Variants in AMBRA1 observed in about 807,000 individuals in gnomAD.
The protein encoded by AMBRA1 is activating molecule in BECN1-regulated autophagy protein 1.
Under a neutral mutation model 125.4 loss-of-function variants are expected in AMBRA1, and 47 were observed. The observed-to-expected ratio is 0.37, with a 90% CI of 0.30 to 0.48. The LOEUF (loss-of-function observed/expected upper bound fraction) is 0.48. Among genes scored for constraint, AMBRA1 ranks in the 20% least tolerant of loss-of-function variants. The pLI is 0.99. For synonymous variants in AMBRA1, 626 were observed against 655.5 expected (o/e 0.95, Z 0.69); for missense variants, 1,331 against 1,693.4 (o/e 0.79, Z 3.76).
intron 1 of AMBRA1, among the ~76,000 whole-genome samples, chr11:46,574,619 G>C (rs2043888405): frequency 6.6e-6 from 1 of 152,086 alleles, no homozygotes; most frequent in Non-Finnish European, 1.5e-5. Context: ...TTTTCTAAAG[G>C]AAATCTTATG....
In AMBRA1 at chr11:46,542,582, T is replaced by C. The variant is rs143509949; in HGVS notation, c.1435A>G (p.Thr479Ala). Residue 479 changes from threonine to alanine, a missense_variant, in exon 7 of 18, where the codon ACT (threonine) becomes GCT (alanine). This residue lies in a region of AMBRA1 where 689 missense variants were observed against 776.5 expected (regional missense o/e 0.89). Transcript: ENST00000683756. This position sits in a 1 kb window ranked among gnomAD's most constrained non-coding sequence, Gnocchi z 5.9. ...GAGCCATTCCCTCCATCTGACTCAG[T>C]TGCCAACCCTGATGCCGGAAAACCC... is the stretch of plus-strand genomic sequence containing the variant. ...GRGFPASGLA[T>A]ESDGGNGSSQ... 373 of 1,613,734 alleles carry C rather than the reference T, an allele frequency of 2.3e-4. No homozygotes were observed. The highest frequency in any genetic ancestry group is 4.9e-4 in the Middle Eastern group (3 of 6,062).
intron 1 of AMBRA1, among the ~76,000 whole-genome samples, chr11:46,556,333 A>C (rs1392494974): frequency 6.6e-6 from 1 of 152,218 alleles, no homozygotes; most frequent in African/African-American, 2.4e-5. Context: ...CTCTTACACT[A>C]GACTGAATTT....
rs775303283 is a variant in AMBRA1, at chr11:46,542,254, G to A, written c.1763C>T (p.Thr588Ile). 4 of 1,613,958 alleles carry A rather than the reference G, an allele frequency of 2.5e-6. No homozygotes were observed. In the South Asian group the frequency reaches 3.3e-5, roughly 13 times the overall value. ...AGCCTCGCCAGAGGAGTAGTTAGGT[G>A]TGGTTCTTTCCCAGCGCAGGGTATC... is the stretch of plus-strand genomic sequence containing the variant. ...NNDTLRWERT[T>I]PNYSSGEASS... Residue 588 changes from threonine (T) to isoleucine (I), a missense_variant, in exon 7 of 18, where the codon ACA becomes ATA. Coordinates refer to ENST00000683756, the MANE Select transcript of AMBRA1 (RefSeq NM_001387011.1). This position sits in a 1 kb window ranked among gnomAD's most constrained non-coding sequence, Gnocchi z 5.9.
chr11:46,397,740 T>A lies in AMBRA1; in HGVS notation c.3607A>T (p.Thr1203Ser), dbSNP rs1415779073. ...QTGTEPGAAH[T>S]SSPQPSTSRG... Reference sequence around the variant, plus strand: ...GAGGTGGAGGGCTGGGGTGAGGAGGTGTGGGCGGCACCAGGTTCAGTGCCC... The same window carrying A: ...GAGGTGGAGGGCTGGGGTGAGGAGGAGTGGGCGGCACCAGGTTCAGTGCCC... Residue 1203 changes from threonine (T) to serine (S), a missense_variant, in exon 18 of 18, where the codon ACC becomes TCC. Coordinates refer to ENST00000683756, the MANE Select transcript of AMBRA1 (RefSeq NM_001387011.1). 41 of 1,611,848 alleles carry A rather than the reference T, an allele frequency of 2.5e-5. No homozygotes were observed. Among genetic ancestry groups the A allele is most frequent in the Non-Finnish European group, 3.4e-5 (40 of 1,179,752 alleles).
At chr11:46,556,656 T>TATG (rs1369651681) in intron 1 of AMBRA1, among the ~76,000 whole-genome samples, 2 of 152,144 alleles carry the variant, frequency 1.3e-5, no homozygotes, top group Non-Finnish European at 2.9e-5. Context: ...TTTCCTGGTA[T>TATG]ATGATGGTAT....
intron 7 of AMBRA1, among the ~76,000 whole-genome samples, chr11:46,534,827 C>T (rs868445481): frequency 2.0e-5 from 3 of 152,130 alleles, no homozygotes; most frequent in Non-Finnish European, 2.9e-5. Flanking sequence ...GCACATGCCA[C>T]GATGCCCAGC....
chr11:46,443,534 G>C lies in AMBRA1; in HGVS notation c.2586C>G (p.Leu862=). 1 of 1,614,152 alleles carries C rather than the reference G, an allele frequency of 6.2e-7. No individual in the cohort carries two copies. The highest frequency in any genetic ancestry group is 8.5e-7 in the Non-Finnish European group (1 of 1,180,018). ...CAAACTTAGTGAAGTCCCACCACTGGAGCCGGTAGGTAGTATTGGCAATGT... is the reference window on the plus strand; with the variant it reads ...CAAACTTAGTGAAGTCCCACCACTGCAGCCGGTAGGTAGTATTGGCAATGT... The part of the protein sequence containing the change: ...ASNIANTTYR[L]QWWDFTKFDL... Residue 862 remains leucine, a synonymous_variant, in exon 12 of 18, where the codon CTC becomes CTG. Coordinates refer to ENST00000683756, the MANE Select transcript of AMBRA1 (RefSeq NM_001387011.1).
At chr11:46,482,736 CG>C (rs971889076) in intron 11 of AMBRA1, among the ~76,000 whole-genome samples, 3 of 152,152 alleles carry the variant, frequency 2.0e-5, no homozygotes, top group African/African-American at 7.2e-5. Flanking sequence ...ACCAGCCAGG[CG>C]TAGTGGCTCA....
chr11:46,540,127 C>A (rs564382518), intron 7 of AMBRA1, among the ~76,000 whole-genome samples: 1 of 152,144 alleles, frequency 6.6e-6, no homozygotes, highest in Non-Finnish European at 1.5e-5. Context: ...CCACCGTGCC[C>A]GGCAGTAACT....
At chr11:46,590,188 C>T (rs1265987202) in intron 1 of AMBRA1, among the ~76,000 whole-genome samples, 2 of 151,688 alleles carry the variant, frequency 1.3e-5, no homozygotes, top group East Asian at 2.0e-4. Flanking sequence ...CTGGCCAACA[C>T]GGTGAAACCC....
intron 9 of AMBRA1, among the ~76,000 whole-genome samples, chr11:46,496,858 T>G (rs1447511433): frequency 6.7e-6 from 1 of 149,870 alleles, no homozygotes. Context: ...ATGCCTGTAA[T>G]CCCGGCACTT....
chr11:46,470,488 C>T (rs191131467), intron 11 of AMBRA1, among the ~76,000 whole-genome samples: 2,820 of 149,648 alleles, frequency 0.019, 94 homozygotes, highest in African/African-American at 0.066. Context: ...ACTGAGGAGG[C>T]TGAGGCAGGA....
intron 1 of AMBRA1, among the ~76,000 whole-genome samples, chr11:46,577,440 T>C (rs1023668198): frequency 2.0e-5 from 3 of 151,842 alleles, no homozygotes; most frequent in Non-Finnish European, 4.4e-5. Flanking sequence ...TGCAGATTGA[T>C]GGTTATCAGG....
intron 1 of AMBRA1, among the ~76,000 whole-genome samples, chr11:46,558,428 A>T (rs972140130): frequency 3.3e-5 from 5 of 151,812 alleles, no homozygotes; most frequent in Non-Finnish European, 7.4e-5. Flanking sequence ...ACATGCCTGT[A>T]ATCCCAGCTA....
At chr11:46,553,210 T>C (rs1281915381) in intron 1 of AMBRA1, among the ~76,000 whole-genome samples, 1 of 152,088 alleles carries the variant, frequency 6.6e-6, no homozygotes, top group Non-Finnish European at 1.5e-5. Flanking sequence ...CCCAAAGTGC[T>C]GGGATTACAA....
rs141260598 is a variant in AMBRA1, at chr11:46,534,199, G to C, written c.2072+7746C>G. Among the ~76,000 whole-genome samples, 39 of 150,058 alleles carry C rather than the reference G, an allele frequency of 2.6e-4. 2 individuals are homozygous for C. The East Asian group carries it at 7.4e-3, about 29-fold the overall frequency. ...GAGAATTATTGCTGGCATTTAAATA[G>C]CACCTGGTGCCAGCCAGGTGCGGTG... On this transcript the variant is annotated intron_variant, in intron 7 of 17. Coordinates refer to ENST00000683756, the MANE Select transcript of AMBRA1 (RefSeq NM_001387011.1).
At chr11:46,454,752 A>AAAAAAT (rs748196531) in intron 11 of AMBRA1, among the ~76,000 whole-genome samples, 2 of 152,068 alleles carry the variant, frequency 1.3e-5, no homozygotes, top group South Asian at 4.1e-4. Flanking sequence ...CTCCATCTCA[A>AAAAAAT]AAAAATAAAA....
chr11:46,517,465 A>G (rs1951543427), intron 7 of AMBRA1, among the ~76,000 whole-genome samples: 1 of 144,468 alleles, frequency 6.9e-6, no homozygotes. Flanking sequence ...CATTTTATTA[A>G]TAAGGTTTTT....
intron 12 of AMBRA1, among the ~76,000 whole-genome samples, chr11:46,441,338 AC>A (rs1190891145): frequency 6.6e-6 from 1 of 152,018 alleles, no homozygotes; most frequent in Non-Finnish European, 1.5e-5. Flanking sequence ...ATATGGCAAA[AC>A]CCCGTCTCTG....
Sources: allele counts gnomAD v4.1 joint callset (sites outside exome capture counted in the v4.1 genomes callset), GRCh38; gene constraint gnomAD v4.1.1; regional missense constraint gnomAD v4.1.1; non-coding constraint Gnocchi (gnomAD v3.1); transcripts MANE v1.5; gene names NCBI Gene and HGNC (gene_info 2026-07-23, HGNC 2026-07-21).